Variants in MAPRE2 observed in about 807,000 individuals in gnomAD.
MAPRE2 encodes microtubule associated protein RP/EB family member 2, also known as microtubule-associated protein RP/EB family member 2.
A neutral mutation model predicts 43.2 loss-of-function variants in MAPRE2; 13 were observed. The ratio of observed to expected loss-of-function variants is 0.30; its 90% CI spans 0.20 to 0.48. The LOEUF is 0.48. Among genes scored for constraint, MAPRE2 ranks in the 20% least tolerant of loss-of-function variants. The pLI, the probability that MAPRE2 is intolerant of heterozygous loss-of-function variation, is 0.99. For missense variants in MAPRE2, 161 were observed against 400.2 expected (o/e 0.40, Z 5.10); for synonymous variants, 135 against 148.8 (o/e 0.91, Z 0.68).
At chr18:35,110,741 CTTTTG>C (rs900780111) in intron 4 of MAPRE2, among the ~76,000 whole-genome samples, 8 of 151,844 alleles carry the variant, frequency 5.3e-5, no homozygotes, top group African/African-American at 1.9e-4. Flanking sequence ...TTTGTTTTTC[CTTTTG>C]TTTTATTTTT....
chr18:35,010,299 A>C (rs1304656420), intron 2 of MAPRE2, among the ~76,000 whole-genome samples: 1 of 152,200 alleles, frequency 6.6e-6, no homozygotes, highest in Non-Finnish European at 1.5e-5. Flanking sequence ...GCAGCTATTC[A>C]GGAGGCTGAA....
At chr18:35,006,606 A>G (rs1603389263) in intron 2 of MAPRE2, among the ~76,000 whole-genome samples, 2 of 152,330 alleles carry the variant, frequency 1.3e-5, no homozygotes, top group South Asian at 4.1e-4. Flanking sequence ...TCTTGATATT[A>G]AAATTTGCAG....
intron 1 of MAPRE2, among the ~76,000 whole-genome samples, chr18:34,998,775 T>TTA (rs2097027867): frequency 2.4e-5 from 2 of 83,570 alleles, no homozygotes; most frequent in African/African-American, 9.4e-5. Context: ...AGTTGCAATT[T>TTA]TTTTTTTTTT....
At chr18:34,998,772 A>ATTTTATTTTTTTTTTTT (rs2097027862) in intron 1 of MAPRE2, among the ~76,000 whole-genome samples, 1 of 93,732 alleles carries the variant, frequency 1.1e-5, no homozygotes, top group African/African-American at 5.0e-5. Flanking sequence ...CGAAGTTGCA[A>ATTTTATTTTTTTTTTTT]TTTTTTTTTT....
chr18:34,984,893 A>T (rs866075327), intron 1 of MAPRE2, among the ~76,000 whole-genome samples: 165 of 55,440 alleles, frequency 3.0e-3, no homozygotes, highest in Middle Eastern at 8.6e-3. Flanking sequence ...TATAATATAT[A>T]ATATATTTTA....
intron 4 of MAPRE2, among the ~76,000 whole-genome samples, chr18:35,107,264 A>C (rs374368738): frequency 2.0e-5 from 3 of 152,324 alleles, no homozygotes. Flanking sequence ...GTATTTGAGC[A>C]ATCATAATTA....
chr18:35,066,236 G>A (rs1839632300), intron 1 of MAPRE2, among the ~76,000 whole-genome samples: 2 of 152,156 alleles, frequency 1.3e-5, no homozygotes, highest in African/African-American at 4.8e-5. Context: ...ATATCCCTAA[G>A]GACTAGCAGT....
intron 3 of MAPRE2, among the ~76,000 whole-genome samples, chr18:35,101,233 G>A (rs955273900): frequency 1.3e-5 from 2 of 152,068 alleles, no homozygotes; most frequent in African/African-American, 4.8e-5. Flanking sequence ...CAATAATGAT[G>A]TTTTGGTTTA....
chr18:35,056,279 A>G (rs1313864324), intron 1 of MAPRE2, among the ~76,000 whole-genome samples: 2 of 152,164 alleles, frequency 1.3e-5, no homozygotes, highest in East Asian at 1.9e-4. Flanking sequence ...TAATGAACCC[A>G]TTAATATATT....
intron 2 of MAPRE2, among the ~76,000 whole-genome samples, chr18:35,076,781 C>A (rs1428741895): frequency 6.6e-6 from 1 of 152,168 alleles, no homozygotes; most frequent in Non-Finnish European, 1.5e-5. Context: ...GTGGGATATT[C>A]TCAGGAAACC....
At chr18:35,124,075 G>A (rs1909802863) in intron 4 of MAPRE2, among the ~76,000 whole-genome samples, 2 of 152,234 alleles carry the variant, frequency 1.3e-5, no homozygotes, top group South Asian at 4.1e-4. Context: ...CTTGCATGGT[G>A]TATTAGTTCT....
intron 1 of MAPRE2, among the ~76,000 whole-genome samples, chr18:34,977,805 A>G (rs1304588031): frequency 1.3e-5 from 2 of 152,224 alleles, no homozygotes; most frequent in Admixed American, 1.3e-4. Context: ...CACTCGGCTT[A>G]GTGGGAAATT....
intron 2 of MAPRE2, among the ~76,000 whole-genome samples, chr18:35,030,266 GTATGTTTT>G (rs2097047194): frequency 6.6e-6 from 1 of 152,000 alleles, no homozygotes; most frequent in Non-Finnish European, 1.5e-5. Context: ...CTCAGCCCTT[GTATGTTTT>G]TATTTCCTTG....
intron 2 of MAPRE2, among the ~76,000 whole-genome samples, chr18:35,089,655 G>T (rs968507871): frequency 1.2e-4 from 18 of 152,166 alleles, no homozygotes; most frequent in Admixed American, 3.9e-4. Flanking sequence ...CAGACAAGTG[G>T]TGATGAAGAT....
chr18:35,122,425 A>G (rs1909720832), intron 4 of MAPRE2, among the ~76,000 whole-genome samples: 1 of 152,166 alleles, frequency 6.6e-6, no homozygotes, highest in Non-Finnish European at 1.5e-5. Context: ...TTTGAAGGTA[A>G]AAATGTAGTT....
intron 2 of MAPRE2, among the ~76,000 whole-genome samples, chr18:35,070,826 C>T (rs912450576): frequency 1.3e-5 from 2 of 152,142 alleles, no homozygotes; most frequent in South Asian, 4.1e-4. Flanking sequence ...GACTCTTTCC[C>T]TTTTGTATCC....
At chr18:35,107,069 A>G (rs748653913) in intron 4 of MAPRE2, among the ~76,000 whole-genome samples, 6 of 152,196 alleles carry the variant, frequency 3.9e-5, no homozygotes, top group Admixed American at 2.0e-4. Flanking sequence ...ATTCACATAC[A>G]TTCATGTATT....
intron 1 of MAPRE2, among the ~76,000 whole-genome samples, chr18:35,001,082 C>A (rs1462895769): frequency 6.6e-6 from 1 of 152,160 alleles, no homozygotes; most frequent in African/African-American, 2.4e-5. Flanking sequence ...CTAGCTTGGG[C>A]ATCACTGCAA....
intron 1 of MAPRE2, among the ~76,000 whole-genome samples, chr18:34,981,250 T>G (rs2097016059): frequency 6.6e-6 from 1 of 152,026 alleles, no homozygotes. Context: ...GGCACACACC[T>G]GTAGTCCCAG....
Sources: gnomAD v4.1 joint callset for allele counts (sites outside exome capture counted in the v4.1 genomes callset) on GRCh38, gnomAD v4.1.1 for gene constraint, MANE v1.5 for transcripts, NCBI Gene and HGNC (gene_info 2026-07-23, HGNC 2026-07-21) for gene names.